The following AGBL5 variants were observed in gnomAD, a reference collection of about 807,000 sequenced individuals.
The protein encoded by AGBL5 is cytosolic carboxypeptidase-like protein 5.
Under a neutral mutation model 88.0 loss-of-function variants are expected in AGBL5, and 51 were observed. The observed-to-expected ratio is 0.58, with a 90% CI of 0.46 to 0.73. The LOEUF (loss-of-function observed/expected upper bound fraction) is 0.73. Among genes scored for constraint, AGBL5 ranks in the 30% least tolerant of loss-of-function variants. The probability of loss-of-function intolerance (pLI) is 0.00; values close to 1 mark genes in which losing one functional copy is unlikely to be tolerated. For missense variants in AGBL5, 1,031 were observed against 1,162.2 expected (o/e 0.89, Z 1.64); for synonymous variants, 446 against 438.8 (o/e 1.02, Z -0.21).
In AGBL5 at chr2:27,070,121, G is replaced by A. The variant is rs140335340; in HGVS notation, c.2519G>A (p.Arg840His). Residue 840 changes from arginine (R) to histidine (H), a missense_variant, in exon 15 of 15, where the codon CGC becomes CAC. By Grantham distance (29) the Arg-to-His change is conservative. Around this residue, in one of 2 missense-constraint regions of AGBL5, gnomAD observed 491 missense variants for 484.0 expected, o/e 1.01. Transcript: ENST00000360131. The part of the protein sequence containing the change: ...GLPQARPPRP[R>H]SAPAFSPISC... ...CCTCAGGCCAGGCCCCCACGGCCCC[G>A]CTCTGCCCCTGCCTTTTCTCCTATA... The A allele has an allele frequency of 0.012, 19,058 of 1,613,970 alleles. 163 individuals carry two copies. Among genetic ancestry groups the A allele is most frequent in the Non-Finnish European group, 0.013 (15,519 of 1,179,912 alleles).
At chr2:27,054,337 G>T in intron 4 of AGBL5, 1 of 550,018 alleles carries the variant, frequency 1.8e-6, no homozygotes, top group Non-Finnish European at 3.2e-6. Flanking sequence ...AGCATTATGT[G>T]ACTCAGTATA....
chr2:27,058,336 C>T, intron 9 of AGBL5, 64 bp from the exon 10 acceptor site: 1 of 1,588,536 alleles, frequency 6.3e-7, no homozygotes, highest in African/African-American at 1.3e-5. Flanking sequence ...GCTGTGTACC[C>T]ACCCCAAGGT....
At position 27,057,348 on chromosome 2, in the gene AGBL5, C is replaced by T; in HGVS notation, c.1581C>T (p.Ser527=). 2 of 1,614,068 alleles carry T rather than the reference C, an allele frequency of 1.2e-6. No homozygotes were observed. Among genetic ancestry groups the T allele is most frequent in the Non-Finnish European group, 1.7e-6 (2 of 1,179,980 alleles). Residue 527 remains serine (S), a synonymous_variant, in exon 9 of 15, where the codon AGC becomes AGT. Transcript: ENST00000360131. ...ACAACACTGGACGCTCAGTAAACAG[C>T]ATCCCTGCTGCCTGCCATGACAATG... ...CNYNTGRSVN[S]IPAACHDNGR...
intron 9 of AGBL5, 129 bp downstream of exon 9, chr2:27,057,567 T>G (rs1241651092): frequency 2.6e-6 from 3 of 1,138,192 alleles, no homozygotes; most frequent in Middle Eastern, 2.5e-4. Context: ...CCACTATGAT[T>G]ATTTTCCTCA....
intron 1 of AGBL5, 87 bp downstream of exon 1, chr2:27,051,880 C>G (rs1301164941): frequency 3.3e-5 from 5 of 152,376 alleles, no homozygotes; most frequent in Admixed American, 6.6e-5. Flanking sequence ...CCCTTGAGCC[C>G]GAGCCCCTCG....
chr2:27,067,560 C>G lies in AGBL5; in HGVS notation c.2156C>G (p.Ala719Gly), dbSNP rs1032159581. Residue 719 changes from alanine (A) to glycine (G), a missense_variant, in exon 12 of 15, where the codon GCT becomes GGT. Physicochemically the swap from Ala to Gly is moderately conservative, Grantham distance 60. Around this residue, in one of 2 missense-constraint regions of AGBL5, gnomAD observed 491 missense variants for 484.0 expected, o/e 1.01. Transcript: ENST00000360131. ...PLNHRPAGSL[A>G]PSPAPTSSGP... ...AACCATCGTCCTGCAGGCAGCCTCGCTCCATCCCCAGCTCCTACTAGTTCT... is the reference window on the plus strand; with the variant it reads ...AACCATCGTCCTGCAGGCAGCCTCGGTCCATCCCCAGCTCCTACTAGTTCT... 6.2e-7 allele frequency: 1 copy of G among 1,614,158 alleles called. No individual in the cohort carries two copies. Among genetic ancestry groups the G allele is most frequent in the Admixed American group, 1.7e-5 (1 of 60,022 alleles).
intron 5 of AGBL5, 54 bp downstream of exon 5, chr2:27,054,861 C>T (rs1483306906): frequency 1.9e-6 from 3 of 1,569,782 alleles, no homozygotes; most frequent in African/African-American, 2.7e-5. Context: ...GCACCAGGTA[C>T]TGTTTATAGC....
At position 27,053,110 on chromosome 2, in the gene AGBL5, A is replaced by G. The variant is rs1668256097; in HGVS notation, c.152A>G (p.Asp51Gly). ...ACCAGTGGCATTGCCTCTTCCCCTG[A>G]CTATGAATTCAACGTGTGGACCCGA... is the stretch of plus-strand genomic sequence containing the variant. ...ALTSGIASSP[D>G]YEFNVWTRPD... The change falls in exon 2 of 15, where the codon GAC becomes GGC. Residue 51 changes from aspartate (D) to glycine (G), a missense_variant. Physicochemically the swap from Asp to Gly is moderately conservative, Grantham distance 94. Around this residue, in one of 2 missense-constraint regions of AGBL5, gnomAD observed 540 missense variants for 678.2 expected, o/e 0.80. Coordinates refer to ENST00000360131, the MANE Select transcript of AGBL5 (RefSeq NM_021831.6). This position sits in a 1 kb window ranked among gnomAD's most constrained non-coding sequence, Gnocchi z 4.9. 6.2e-7 allele frequency: 1 copy of G among 1,612,954 alleles called. No homozygotes were observed. Among genetic ancestry groups the G allele is most frequent in the Non-Finnish European group, 8.5e-7 (1 of 1,179,264 alleles).
chr2:27,060,398 C>T (rs1032268297), intron 11 of AGBL5, among the ~76,000 whole-genome samples: 1 of 152,134 alleles, frequency 6.6e-6, no homozygotes, highest in Non-Finnish European at 1.5e-5. Context: ...AGAAAATTAA[C>T]GGGAGTAACC....
At chr2:27,069,742 C>T (rs377195694) in intron 14 of AGBL5, 36 bp downstream of exon 14, 3 of 1,578,966 alleles carry the variant, frequency 1.9e-6, no homozygotes, top group Non-Finnish European at 2.6e-6. Context: ...CACCACCCCT[C>T]ACTTCTGTCC....
At chr2:27,058,628 A>G (rs1334262136) in intron 10 of AGBL5, 26 bp downstream of exon 10, 4 of 1,611,256 alleles carry the variant, frequency 2.5e-6, no homozygotes, top group East Asian at 4.5e-5. Flanking sequence ...TAGGAGGGAG[A>G]AAGGGTAGGA....
At chr2:27,062,365 A>T (rs986765265) in intron 11 of AGBL5, 1 of 151,652 alleles carries the variant, frequency 6.6e-6, no homozygotes, top group African/African-American at 2.4e-5. Flanking sequence ...ACCTCAGGCA[A>T]TCCACCCGCC....
At chr2:27,052,838 T>C (rs189832822) in intron 1 of AGBL5, 75 bp from the exon 2 acceptor site, 608 of 862,466 alleles carry the variant, frequency 7.0e-4, no homozygotes, top group Non-Finnish European at 8.7e-4. Flanking sequence ...TAGCTCTTAT[T>C]TATCAAGAGA....
intron 7 of AGBL5, 191 bp from the exon 8 acceptor site, chr2:27,056,431 TA>T (rs902387969): frequency 6.4e-3 from 3,595 of 563,058 alleles, no homozygotes; most frequent in South Asian, 0.011. Context: ...GCTAAAAGCT[TA>T]AAAAAAAAAG....
Position 27,070,290 on chromosome 2 carries a change from T to TA in AGBL5, c.*28dup. On this transcript the variant is annotated 3_prime_UTR_variant, in exon 15 of 15. Transcript: ENST00000360131. The stretch of plus-strand genomic sequence containing the variant: ...AATGCCTTTATGTTCAAGCCCAGGA[T>TA]ATAGCCCCAAGATGGGGTAACAGTG... 6.2e-7 allele frequency: 1 copy of TA among 1,608,584 alleles called. No individual in the cohort carries two copies. The highest frequency in any genetic ancestry group is 1.3e-5 in the African/African-American group (1 of 74,954).
At chr2:27,057,667 CCT>C (rs1668508862) in intron 9 of AGBL5, among the ~76,000 whole-genome samples, 1 of 152,238 alleles carries the variant, frequency 6.6e-6, no homozygotes, top group Non-Finnish European at 1.5e-5. Context: ...TCCCCTAGCA[CCT>C]CTGAGTCAGA....
At chr2:27,054,135 T>TA (rs1469816736) in intron 4 of AGBL5, 76 bp downstream of exon 4, 2 of 1,496,504 alleles carry the variant, frequency 1.3e-6, no homozygotes, top group Admixed American at 2.1e-5. Flanking sequence ...AATTTGCTCT[T>TA]AGAGCTCTGA....
At position 27,056,081 on chromosome 2, in the gene AGBL5, T is replaced by C. The variant is rs1313115089; in HGVS notation, c.1308T>C (p.His436=). 1.1e-5 allele frequency: 18 copies of C among 1,614,134 alleles called. No individual in the cohort carries two copies. In the East Asian group the frequency reaches 3.8e-4, roughly 34 times the overall value. ...CTTACTATGTGGACCTGCATGGACA[T>C]GCTTCCAAAAGGGGCTGCTTCATGT... ...GVAYYVDLHG[H]ASKRGCFMYG... Residue 436 remains histidine (H), a synonymous_variant, in exon 7 of 15, where the codon CAT becomes CAC. Coordinates refer to ENST00000360131, the MANE Select transcript of AGBL5 (RefSeq NM_021831.6).
rs765332942 is a variant in AGBL5, at chr2:27,056,846, C to T, written c.1535+54C>T. ...GAAATAGCTTCCCTAAAGAAAACACCGTAGCTGGGTGTGGTGGTGCATGCT... is the reference window on the plus strand; with the variant it reads ...GAAATAGCTTCCCTAAAGAAAACACTGTAGCTGGGTGTGGTGGTGCATGCT... On this transcript the variant is annotated intron_variant, in intron 8 of 14. Coordinates refer to ENST00000360131, the MANE Select transcript of AGBL5 (RefSeq NM_021831.6). 2.7e-5 allele frequency: 42 copies of T among 1,533,932 alleles called. 1 individual carries two copies. In the East Asian group the frequency reaches 6.2e-4, roughly 23 times the overall value.
Sources: gnomAD v4.1 joint callset for allele counts (sites outside exome capture counted in the v4.1 genomes callset) on GRCh38, gnomAD v4.1.1 for gene constraint, gnomAD v4.1.1 regional missense constraint, Gnocchi (gnomAD v3.1) non-coding constraint, MANE v1.5 for transcripts, NCBI Gene and HGNC (gene_info 2026-07-23, HGNC 2026-07-21) for gene names.